Variants in VPS13B observed in about 807,000 individuals in gnomAD.
VPS13B encodes intermembrane lipid transfer protein VPS13B.
A neutral mutation model predicts 426.4 loss-of-function variants in VPS13B; 285 were observed. The observed-to-expected ratio is 0.67, with a 90% CI of 0.61 to 0.74. The LOEUF is 0.74. Ranked by LOEUF, VPS13B falls within the 30% of genes least tolerant of loss-of-function variation. The pLI is 0.00. For missense variants in VPS13B, 4,537 were observed against 4,782.6 expected (o/e 0.95, Z 1.51); for synonymous variants, 1,676 against 1,676.4 (o/e 1.00, Z 0.01).
At chr8:99,692,929 A>G (rs1053924614) in intron 35 of VPS13B, among the ~76,000 whole-genome samples, 18 of 150,036 alleles carry the variant, frequency 1.2e-4, no homozygotes, top group Admixed American at 6.7e-5. Flanking sequence ...CTACACAAAT[A>G]AACTAGAAAA....
chr8:99,686,346 G>T (rs958645865), intron 35 of VPS13B, among the ~76,000 whole-genome samples: 1 of 152,082 alleles, frequency 6.6e-6, no homozygotes, highest in Admixed American at 6.5e-5. Flanking sequence ...CTCACCCAAG[G>T]CTCATGATAA....
chr8:99,209,592 A>G, intron 17 of VPS13B: 1 of 259,956 alleles, frequency 3.8e-6, no homozygotes, highest in Admixed American at 4.8e-5. Flanking sequence ...TACTTTGTAG[A>G]GATTGGGTCT....
intron 33 of VPS13B, 90 bp downstream of exon 33, chr8:99,577,723 C>A (rs1825843743): frequency 4.1e-6 from 6 of 1,469,350 alleles, no homozygotes; most frequent in Non-Finnish European, 5.7e-6. Flanking sequence ...TGACTGCTTT[C>A]TGCTTAATTA....
intron 34 of VPS13B, among the ~76,000 whole-genome samples, chr8:99,644,455 AAAT>A: frequency 6.6e-6 from 1 of 152,316 alleles, no homozygotes; most frequent in East Asian, 1.9e-4. Context: ...TCCTAGGTTA[AAAT>A]AATAGAACAC....
rs1465145078 is a variant in VPS13B, at chr8:99,425,781, A to G, written c.3083-5756A>G. ...CAAATTGTCCCTGTTTGCAGATGAC[A>G]TGATTGGATATCTAGAAAACCCCAT... On this transcript the variant is annotated intron_variant, in intron 21 of 61. Coordinates refer to ENST00000357162, the MANE Select transcript of VPS13B (RefSeq NM_152564.5). Among the ~76,000 whole-genome samples the G allele has an allele frequency of 3.3e-5, 5 of 152,350 alleles. No individual in the cohort carries two copies. In the East Asian group the frequency reaches 9.6e-4, roughly 29 times the overall value.
At chr8:99,862,664 G>T (rs1003318688) in intron 58 of VPS13B, among the ~76,000 whole-genome samples, 35 of 152,304 alleles carry the variant, frequency 2.3e-4, no homozygotes, top group African/African-American at 8.4e-4. Flanking sequence ...CGCATCTGAG[G>T]AAGTGTGTGC....
intron 12 of VPS13B, among the ~76,000 whole-genome samples, chr8:99,142,275 A>G (rs1300286503): frequency 1.3e-5 from 2 of 152,328 alleles, no homozygotes; most frequent in African/African-American, 4.8e-5. Flanking sequence ...CTGAATAAAC[A>G]AAATGCATTA....
chr8:99,486,736 C>A (rs1044412201), intron 25 of VPS13B, among the ~76,000 whole-genome samples: 4 of 152,186 alleles, frequency 2.6e-5, no homozygotes, highest in Admixed American at 2.0e-4. Flanking sequence ...CATTGCTCAA[C>A]CCCTCGACCC....
intron 3 of VPS13B, among the ~76,000 whole-genome samples, chr8:99,050,470 T>C (rs1427443428): frequency 6.6e-6 from 1 of 152,184 alleles, no homozygotes; most frequent in Non-Finnish European, 1.5e-5. Flanking sequence ...GTCTTTGATA[T>C]TGTGAATAGT....
At chr8:99,128,595 C>T (rs186702627) in intron 8 of VPS13B, among the ~76,000 whole-genome samples, 63 of 151,908 alleles carry the variant, frequency 4.1e-4, no homozygotes, top group African/African-American at 1.3e-3. Flanking sequence ...TGTTTCCTCT[C>T]CAATTTCATT....
intron 46 of VPS13B, 31 bp from the exon 47 acceptor site, chr8:99,818,682 T>C (rs781569039): frequency 1.2e-6 from 2 of 1,612,920 alleles, no homozygotes; most frequent in Non-Finnish European, 1.7e-6. Context: ...AAAGCAAATA[T>C]GAAAGTTGTT....
intron 21 of VPS13B, among the ~76,000 whole-genome samples, chr8:99,418,774 A>AGT (rs764400537): frequency 4.6e-5 from 7 of 152,116 alleles, no homozygotes; most frequent in Non-Finnish European, 1.0e-4. Flanking sequence ...GAAATGTGAT[A>AGT]GTGTGTATCA....
intron 19 of VPS13B, among the ~76,000 whole-genome samples, chr8:99,379,456 T>C (rs1467005309): frequency 6.6e-6 from 1 of 152,218 alleles, no homozygotes; most frequent in African/African-American, 2.4e-5. Flanking sequence ...TATTTCTGTA[T>C]TTTAAAATAA....
At chr8:99,117,910 T>C (rs1274855399) in intron 7 of VPS13B, among the ~76,000 whole-genome samples, 2 of 152,300 alleles carry the variant, frequency 1.3e-5, no homozygotes, top group South Asian at 4.1e-4. Context: ...TGTACACCTT[T>C]AAATGTTGAA....
intron 23 of VPS13B, among the ~76,000 whole-genome samples, chr8:99,444,914 A>G (rs937025209): frequency 1.3e-5 from 2 of 152,042 alleles, no homozygotes; most frequent in Non-Finnish European, 2.9e-5. Flanking sequence ...TTCCAAAAGC[A>G]CTGGGATTAT....
intron 39 of VPS13B, among the ~76,000 whole-genome samples, chr8:99,723,631 T>C (rs914051121): frequency 3.3e-5 from 5 of 152,092 alleles, no homozygotes; most frequent in African/African-American, 1.2e-4. Flanking sequence ...GATGGATGAC[T>C]CTACAGACCA....
chr8:99,819,358 T>C, intron 47 of VPS13B, 54 bp from the exon 48 acceptor site: 1 of 1,590,506 alleles, frequency 6.3e-7, no homozygotes, highest in Admixed American at 1.7e-5. Context: ...CAATAAATTA[T>C]ATACCACTTT....
At chr8:99,256,741 T>C (rs1319057356) in intron 17 of VPS13B, among the ~76,000 whole-genome samples, 1 of 152,142 alleles carries the variant, frequency 6.6e-6, no homozygotes, top group East Asian at 1.9e-4. Flanking sequence ...AGTGGGTTTT[T>C]TTGTTGTTAT....
At chr8:99,389,905 C>A (rs180857150) in intron 20 of VPS13B, among the ~76,000 whole-genome samples, 158 of 152,090 alleles carry the variant, frequency 1.0e-3, no homozygotes, top group African/African-American at 3.6e-3. Flanking sequence ...AGTCCACCCC[C>A]CCTCCTTATG....
Sources: allele counts gnomAD v4.1 joint callset (sites outside exome capture counted in the v4.1 genomes callset), GRCh38; gene constraint gnomAD v4.1.1; transcripts MANE v1.5; gene names NCBI Gene and HGNC (gene_info 2026-07-23, HGNC 2026-07-21).